The following ARHGEF12 variants were observed in gnomAD, a reference collection of about 807,000 sequenced individuals.
ARHGEF12 encodes KMT2A/ARHGEF12 fusion protein.
A neutral mutation model predicts 211.2 loss-of-function variants in ARHGEF12; 66 were observed. The observed-to-expected ratio is 0.31, with a 90% confidence interval of 0.26 to 0.38. The LOEUF (loss-of-function observed/expected upper bound fraction) is 0.38, where lower values mean the gene tolerates loss of function less well. Ranked by LOEUF, ARHGEF12 falls within the 10% of genes least tolerant of loss-of-function variation. ARHGEF12 has a pLI of 1.00. For missense variants in ARHGEF12, 1,429 were observed against 1,869.5 expected, an observed-to-expected ratio of 0.76 and a Z score of 4.34; for synonymous variants, 592 against 638.4, an observed-to-expected ratio of 0.93 and a Z score of 1.09.
At chr11:120,482,735 ACT>A (rs1240400752) in intron 39 of ARHGEF12, among the ~76,000 whole-genome samples, 15 of 136,992 alleles carry the variant, frequency 1.1e-4, no homozygotes, top group Middle Eastern at 3.8e-3. Context: ...ACAGAGCGAG[ACT>A]CTGTCTCAAA....
intron 1 of ARHGEF12, among the ~76,000 whole-genome samples, chr11:120,378,686 C>T (rs11600723): frequency 0.18 from 28,118 of 152,046 alleles, 2,974 homozygotes; most frequent in Non-Finnish European, 0.23. Flanking sequence ...AAAGTTTGTG[C>T]GTGTTTTGGC....
chr11:120,359,478 G>A (rs1230976659), intron 1 of ARHGEF12, among the ~76,000 whole-genome samples: 1 of 152,216 alleles, frequency 6.6e-6, no homozygotes, highest in Admixed American at 6.5e-5. Flanking sequence ...CTCGGCACAA[G>A]TGATCTGCCC....
chr11:120,338,670 C>G (rs536188820), intron 1 of ARHGEF12, among the ~76,000 whole-genome samples: 1 of 152,024 alleles, frequency 6.6e-6, no homozygotes, highest in East Asian at 1.9e-4. Context: ...ATCACTTTTA[C>G]GGGTGTGGGG....
chr11:120,421,767 A>G (rs768463478), intron 5 of ARHGEF12, 36 bp from the exon 6 acceptor site: 2 of 1,591,926 alleles, frequency 1.3e-6, no homozygotes, highest in East Asian at 2.2e-5. Flanking sequence ...GTAAATGCAA[A>G]TGAATCACAT....
rs1354966841 is a variant in ARHGEF12, at chr11:120,336,444, A to ACGCCGC, written c.-795_-790dup. On this transcript the variant is annotated 5_prime_UTR_variant, in exon 1 of 41. Transcript: ENST00000397843. ...CGGCGAGCCGGCCCTGCGCCGGGAGACGCCGCCGCCTCCGCCTCCCGGACC... is the reference window on the plus strand; with the variant it reads ...CGGCGAGCCGGCCCTGCGCCGGGAGACGCCGCCGCCGCCGCCTCCGCCTCCCGGACC... 1.3e-5 allele frequency among the ~76,000 whole-genome samples: 2 copies of ACGCCGC among 150,750 alleles called. No homozygotes were observed. Among genetic ancestry groups the ACGCCGC allele is most frequent in the Non-Finnish European group, 3.0e-5 (2 of 67,602 alleles).
chr11:120,429,343 C>A, intron 8 of ARHGEF12, 97 bp from the exon 9 acceptor site: 2 of 944,288 alleles, frequency 2.1e-6, no homozygotes, highest in Non-Finnish European at 3.2e-6. Context: ...ATAATTGGAG[C>A]CGAGGCAGAA....
intron 13 of ARHGEF12, among the ~76,000 whole-genome samples, chr11:120,440,890 G>C (rs141704920): frequency 1.9e-4 from 29 of 152,178 alleles, no homozygotes; most frequent in African/African-American, 6.0e-4. Flanking sequence ...CTCCTGGTTT[G>C]CTGAGAGTTT....
At chr11:120,419,554 A>G (rs561442624) in intron 4 of ARHGEF12, among the ~76,000 whole-genome samples, 4 of 151,976 alleles carry the variant, frequency 2.6e-5, no homozygotes, top group Admixed American at 6.6e-5. Flanking sequence ...GTTAAGGTTC[A>G]TGTTAAGCTA....
At chr11:120,476,610 A>G (rs1010310812) in intron 33 of ARHGEF12, 51 bp from the exon 34 acceptor site, 4 of 1,429,494 alleles carry the variant, frequency 2.8e-6, no homozygotes, top group African/African-American at 2.8e-5. Context: ...AACATCCCTC[A>G]TGGCCTCCCC....
chr11:120,423,866 C>T (rs1591572874), intron 6 of ARHGEF12, among the ~76,000 whole-genome samples: 1 of 151,984 alleles, frequency 6.6e-6, no homozygotes, highest in Admixed American at 6.6e-5. Flanking sequence ...AATTCAGAAT[C>T]GGGATAACAT....
In ARHGEF12 at chr11:120,351,435, ATATATATATATATATATATATTTTT is replaced by A. The variant is rs1408906487; in HGVS notation, c.32+14162_32+14186del. 2.2e-3 allele frequency among the ~76,000 whole-genome samples: 7 copies of A among 3,122 alleles called. 1 individual carries two copies. Among genetic ancestry groups the A allele is most frequent in the African/African-American group, 0.011 (6 of 542 alleles). 2.0% of individuals were successfully genotyped at this position (3,122 alleles called of 152,430 possible). ...TATATATATATATATATATATATATATATATATATATATATATATATTTTTTTTTTTTTTTTTTTTTTTTTTGAGA... is the reference window on the plus strand; with the variant it reads ...TATATATATATATATATATATATATATTTTTTTTTTTTTTTTTTTTTGAGA... On this transcript the variant is annotated intron_variant, in intron 1 of 40. Coordinates refer to ENST00000397843, the MANE Select transcript of ARHGEF12 (RefSeq NM_015313.3).
chr11:120,395,056 C>CAAA (rs758953056), intron 1 of ARHGEF12, among the ~76,000 whole-genome samples: 21 of 34,584 alleles, frequency 6.1e-4, no homozygotes, highest in African/African-American at 1.2e-3. Context: ...GACTCTATCT[C>CAAA]AAAAAAAAAA....
At chr11:120,427,966 G>T (rs1262813065) in intron 7 of ARHGEF12, 103 bp from the exon 8 acceptor site, 2 of 986,484 alleles carry the variant, frequency 2.0e-6, no homozygotes, top group African/African-American at 3.3e-5. Context: ...TACATAACTG[G>T]ATCTTTTAGA....
At chr11:120,415,886 A>G (rs571103760) in intron 4 of ARHGEF12, among the ~76,000 whole-genome samples, 1 of 152,336 alleles carries the variant, frequency 6.6e-6, no homozygotes, top group Admixed American at 6.5e-5. Flanking sequence ...AAGTACATCA[A>G]TCTCACATTA....
intron 15 of ARHGEF12, among the ~76,000 whole-genome samples, chr11:120,443,433 G>T (rs1332428921): frequency 2.6e-5 from 4 of 152,034 alleles, no homozygotes; most frequent in Non-Finnish European, 4.4e-5. Flanking sequence ...TGCATCATCG[G>T]TTTTATATTT....
chr11:120,455,119 G>C (rs1031807561), intron 22 of ARHGEF12, among the ~76,000 whole-genome samples: 1 of 152,130 alleles, frequency 6.6e-6, no homozygotes, highest in Non-Finnish European at 1.5e-5. Context: ...TGAGAGAAAA[G>C]AATTATATAG....
intron 32 of ARHGEF12, among the ~76,000 whole-genome samples, chr11:120,474,872 T>C (rs151299510): frequency 2.0e-5 from 3 of 152,358 alleles, no homozygotes; most frequent in African/African-American, 4.8e-5. Flanking sequence ...ATCATTCTTA[T>C]AGTCTAGTGA....
Position 120,440,232 on chromosome 11 carries a change from T to A in ARHGEF12, c.1092+11T>A, listed in dbSNP as rs1434900411. ...ACTGAACATGAACAGGTGATGACTTTTTTCTTTCTAAAAAATAGATTGTTA... is the reference window on the plus strand; with the variant it reads ...ACTGAACATGAACAGGTGATGACTTATTTCTTTCTAAAAAATAGATTGTTA... On this transcript the variant is annotated intron_variant, in intron 13 of 40. Transcript: ENST00000397843. 1.3e-6 allele frequency: 2 copies of A among 1,594,070 alleles called. No homozygotes were observed. The highest frequency in any genetic ancestry group is 2.3e-5 in the South Asian group (2 of 87,942).
intron 2 of ARHGEF12, among the ~76,000 whole-genome samples, chr11:120,406,462 C>T (rs1422087945): frequency 6.6e-6 from 1 of 152,090 alleles, no homozygotes; most frequent in East Asian, 1.9e-4. Flanking sequence ...AAATAGAATG[C>T]TAGTTTTTGA....
Sources: allele counts gnomAD v4.1 joint callset (sites outside exome capture counted in the v4.1 genomes callset), GRCh38; gene constraint gnomAD v4.1.1; transcripts MANE v1.5; gene names NCBI Gene and HGNC (gene_info 2026-07-23, HGNC 2026-07-21).